ADK: variants seen among roughly 807,000 people sequenced by gnomAD.
ADK encodes N6,N6-dimethyladenosine kinase.
In ADK, 24 loss-of-function variants were observed where a neutral mutation model predicts 44.7. The ratio of observed to expected loss-of-function variants is 0.54; its 90% CI spans 0.39 to 0.76. The LOEUF is 0.76. ADK is among the 30% of genes least tolerant of loss of function. ADK has a pLI of 0.00. For synonymous variants in ADK, 128 were observed against 142.6 expected (o/e 0.90, Z 0.73); for missense variants, 321 against 425.1 (o/e 0.76, Z 2.15).
intron 6 of ADK, among the ~76,000 whole-genome samples, chr10:74,451,445 G>T (rs1466369456): frequency 2.6e-5 from 4 of 152,004 alleles, no homozygotes; most frequent in Non-Finnish European, 5.9e-5. Flanking sequence ...AGGGAGCACT[G>T]GTAGCCCGTA....
At chr10:74,414,070 A>T (rs1224874032) in intron 6 of ADK, among the ~76,000 whole-genome samples, 1 of 152,198 alleles carries the variant, frequency 6.6e-6, no homozygotes, top group East Asian at 1.9e-4. Context: ...AATATCATAG[A>T]TCAGTGATCA....
intron 1 of ADK, among the ~76,000 whole-genome samples, chr10:74,172,053 A>G (rs1314554447): frequency 1.3e-5 from 2 of 152,014 alleles, no homozygotes; most frequent in Non-Finnish European, 2.9e-5. Flanking sequence ...CTGGTACTTA[A>G]ATTTTGAGAG....
chr10:74,577,566 GA>G (rs1261905663), intron 7 of ADK, among the ~76,000 whole-genome samples: 1 of 151,386 alleles, frequency 6.6e-6, no homozygotes, highest in Non-Finnish European at 1.5e-5. Flanking sequence ...TGACCTGGGG[GA>G]TATTACCTTT....
chr10:74,265,083 G>A (rs1345741998), intron 3 of ADK, among the ~76,000 whole-genome samples: 1 of 151,990 alleles, frequency 6.6e-6, no homozygotes, highest in African/African-American at 2.4e-5. Context: ...TGGGATTACA[G>A]TTGTGAGCAA....
chr10:74,234,096 A>G (rs2132276151), intron 3 of ADK, among the ~76,000 whole-genome samples: 1 of 152,348 alleles, frequency 6.6e-6, no homozygotes, highest in East Asian at 1.9e-4. Context: ...TGTAAGAGTT[A>G]TGCCAACACT....
At chr10:74,664,946 T>C (rs546282318) in intron 9 of ADK, among the ~76,000 whole-genome samples, 6 of 152,222 alleles carry the variant, frequency 3.9e-5, no homozygotes, top group Non-Finnish European at 7.3e-5. Context: ...CTGTGGACTA[T>C]AGATTAGATT....
chr10:74,528,133 A>G lies in ADK; in HGVS notation c.726+2707A>G, dbSNP rs1849130405. ...CTTATCAGAAGTGTCATGATCGAAC[A>G]AACCTGAAAGTATAGATCAGAAGTT... On this transcript the variant is annotated intron_variant, in intron 7 of 10. Coordinates refer to ENST00000539909, the MANE Select transcript of ADK (RefSeq NM_006721.4). 5 of 1,066,810 alleles carry G rather than the reference A, an allele frequency of 4.7e-6. No individual in the cohort carries two copies. The Admixed American group carries it at 1.1e-4, about 23-fold the overall frequency. The allele number at this position is 1,066,810 out of a possible 1,614,324, so 66.1% of individuals were successfully genotyped here. A position where few individuals can be genotyped will look rare whatever the true frequency, so the allele number is the denominator to read the frequency against.
chr10:74,340,680 AT>A (rs1841554538), intron 4 of ADK, among the ~76,000 whole-genome samples: 1 of 152,174 alleles, frequency 6.6e-6, no homozygotes, highest in Non-Finnish European at 1.5e-5. Context: ...AAGAACACAT[AT>A]GAAACTGGAA....
chr10:74,664,330 A>T (rs1024833217), intron 9 of ADK, among the ~76,000 whole-genome samples: 1 of 152,180 alleles, frequency 6.6e-6, no homozygotes, highest in African/African-American at 2.4e-5. Flanking sequence ...AAAATTAAGA[A>T]TGTAGTTTAT....
intron 3 of ADK, 82 bp downstream of exon 3, chr10:74,224,673 CA>C: frequency 8.9e-7 from 1 of 1,119,224 alleles, no homozygotes; most frequent in South Asian, 1.3e-5. Context: ...ATCTGATTTT[CA>C]AAATTATATA....
intron 6 of ADK, among the ~76,000 whole-genome samples, chr10:74,430,069 TTAAC>T: frequency 6.6e-6 from 1 of 152,198 alleles, no homozygotes; most frequent in Non-Finnish European, 1.5e-5. Flanking sequence ...CACGGAGGTG[TTAAC>T]TTTCTCCAGG....
intron 6 of ADK, among the ~76,000 whole-genome samples, chr10:74,444,938 G>T (rs866709702): frequency 1.3e-5 from 2 of 151,930 alleles, no homozygotes; most frequent in South Asian, 4.1e-4. Flanking sequence ...ACATGCAGAA[G>T]ATTAAAGGTG....
chr10:74,287,706 C>T (rs12098284), intron 3 of ADK, among the ~76,000 whole-genome samples: 24,236 of 151,754 alleles, frequency 0.16, 2,244 homozygotes, highest in African/African-American at 0.25. Flanking sequence ...GTATAAAACT[C>T]GAATACCAGA....
chr10:74,483,187 C>T (rs1847135618), intron 6 of ADK, among the ~76,000 whole-genome samples: 1 of 152,204 alleles, frequency 6.6e-6, no homozygotes, highest in African/African-American at 2.4e-5. Context: ...GGCTCCCAAG[C>T]CTCATCTCTT....
intron 9 of ADK, among the ~76,000 whole-genome samples, chr10:74,601,111 ATG>A (rs1465244302): frequency 6.6e-6 from 1 of 152,080 alleles, no homozygotes; most frequent in Non-Finnish European, 1.5e-5. Context: ...AGTATTACCT[ATG>A]TGTTTGTTCA....
chr10:74,549,759 C>A (rs1849963756), intron 7 of ADK, among the ~76,000 whole-genome samples: 2 of 152,238 alleles, frequency 1.3e-5, no homozygotes, highest in East Asian at 3.9e-4. Flanking sequence ...CTTTAGTGAG[C>A]TGGGGGTATT....
chr10:74,255,312 G>T (rs1217817036), intron 3 of ADK, among the ~76,000 whole-genome samples: 1 of 152,148 alleles, frequency 6.6e-6, no homozygotes, highest in Non-Finnish European at 1.5e-5. Flanking sequence ...TGGTTGGTCA[G>T]TTGGCACCAG....
At chr10:74,603,519 T>C (rs1401102370) in intron 9 of ADK, among the ~76,000 whole-genome samples, 1 of 152,200 alleles carries the variant, frequency 6.6e-6, no homozygotes, top group African/African-American at 2.4e-5. Context: ...TTTGGTTTTC[T>C]GTTCCTGTGT....
intron 4 of ADK, among the ~76,000 whole-genome samples, chr10:74,377,837 C>T (rs968858846): frequency 5.3e-5 from 8 of 152,158 alleles, no homozygotes; most frequent in African/African-American, 1.4e-4. Flanking sequence ...GGCCGGGAAA[C>T]TTCGTTTTTA....
Sources: gnomAD v4.1 joint callset for allele counts (sites outside exome capture counted in the v4.1 genomes callset) on GRCh38, gnomAD v4.1.1 for gene constraint, MANE v1.5 for transcripts, NCBI Gene and HGNC (gene_info 2026-07-23, HGNC 2026-07-21) for gene names.